ENTPD4: variants seen among roughly 807,000 people sequenced by gnomAD.
ENTPD4 encodes Golgi UDPase.
A neutral mutation model predicts 79.1 loss-of-function variants in ENTPD4; 60 were observed. That is an observed-to-expected ratio of 0.76 (90% confidence interval 0.62 to 0.94). The LOEUF (loss-of-function observed/expected upper bound fraction) is 0.94. Ranked by LOEUF, ENTPD4 falls within the 40% of genes least tolerant of loss-of-function variation. The pLI, the probability that ENTPD4 is intolerant of heterozygous loss-of-function variation, is 0.00. For missense variants in ENTPD4, 772 were observed against 775.1 expected (o/e 1.00, Z 0.05); for synonymous variants, 276 against 292.0 (o/e 0.95, Z 0.56).
intron 11 of ENTPD4, chr8:23,434,708 C>A: frequency 7.4e-7 from 1 of 1,358,392 alleles, no homozygotes. Context: ...TGCATGAACC[C>A]GGTCTCGGCA....
At chr8:23,443,157 T>A (rs1352339296) in intron 6 of ENTPD4, among the ~76,000 whole-genome samples, 1 of 131,950 alleles carries the variant, frequency 7.6e-6, no homozygotes, top group African/African-American at 3.4e-5. Flanking sequence ...TTCTCCATCA[T>A]GGCCCTAGCT....
rs1310775548 is a variant in ENTPD4 at position 23,430,252 on chromosome 8, C to G, written c.*2674G>C. ...ACATCTCCATACGGCATAATGAACT[C>G]CCTTGAGTGGTCTCTTTTTAAACAA... On this transcript the variant is annotated 3_prime_UTR_variant, in exon 13 of 13. Transcript: ENST00000358689. 1 of 985,310 alleles carries G rather than the reference C, an allele frequency of 1.0e-6. No homozygotes were observed. The highest frequency in any genetic ancestry group is 1.2e-6 in the Non-Finnish European group (1 of 829,948). 61.0% of individuals were successfully genotyped at this position (985,310 alleles called of 1,614,324 possible).
chr8:23,454,165 C>T (rs1473139921), intron 1 of ENTPD4, among the ~76,000 whole-genome samples: 3 of 152,154 alleles, frequency 2.0e-5, no homozygotes, highest in South Asian at 2.1e-4. Flanking sequence ...TTTTAACAAG[C>T]TACCTTTGAC....
In ENTPD4 at chr8:23,444,597, T is replaced by G. The variant is rs1466281227; in HGVS notation, c.422A>C (p.Glu141Ala). 25 of 1,613,924 alleles carry G rather than the reference T, an allele frequency of 1.5e-5. No individual in the cohort carries two copies. The highest frequency in any genetic ancestry group is 1.9e-5 in the Non-Finnish European group (23 of 1,179,904). The change falls in exon 5 of 13, where the codon GAA becomes GCA. Residue 141 changes from glutamate (E) to alanine (A), a missense_variant. By Grantham distance (107) the Glu-to-Ala change is moderately radical (BLOSUM62 -1). Transcript: ENST00000358689. ...GACTTTCTCTGGAGAGGTAGCAAATTCTGAAATGCCTAGAGAAACAGGATA... is the reference window on the plus strand; with the variant it reads ...GACTTTCTCTGGAGAGGTAGCAAATGCTGAAATGCCTAGAGAAACAGGATA... ...VVMKIKPGIS[E>A]FATSPEKVSD... is the part of the protein sequence containing the mutation.
Position 23,429,614 on chromosome 8 carries a change from T to C in ENTPD4, c.*3312A>G. 1.0e-6 allele frequency: 1 copy of C among 985,422 alleles called. No individual in the cohort carries two copies. Among genetic ancestry groups the C allele is most frequent in the Non-Finnish European group, 1.2e-6 (1 of 829,900 alleles). 61.0% of individuals were successfully genotyped at this position (985,422 alleles called of 1,614,324 possible). On this transcript the variant is annotated 3_prime_UTR_variant, in exon 13 of 13. Transcript: ENST00000358689. ...GCTCCTTATAAGGAAAACTACTCTGTGTAGGCCTGAGTTTAAAATGTAAAT... is the reference window on the plus strand; with the variant it reads ...GCTCCTTATAAGGAAAACTACTCTGCGTAGGCCTGAGTTTAAAATGTAAAT...
intron 11 of ENTPD4, 190 bp from the exon 12 acceptor site, chr8:23,434,668 A>G (rs1382065322): frequency 6.3e-6 from 9 of 1,423,856 alleles, no homozygotes; most frequent in South Asian, 1.5e-5. Context: ...GTCCCACAAC[A>G]TGGAGCAGTT....
Position 23,430,594 on chromosome 8 carries a change from T to C in ENTPD4, c.*2332A>G, listed in dbSNP as rs1014448616. 8 of 985,146 alleles carry C rather than the reference T, an allele frequency of 8.1e-6. No homozygotes were observed. Among genetic ancestry groups the C allele is most frequent in the Non-Finnish European group, 9.6e-6 (8 of 829,658 alleles). The allele number at this position is 985,146 out of a possible 1,614,324, so 61.0% of individuals were successfully genotyped here. On this transcript the variant is annotated 3_prime_UTR_variant, in exon 13 of 13. Transcript: ENST00000358689. ...CTGCATATTCTTCAACGTTTTTTCTTAGGCAACTGTTTAAAAATGGCAAAT... is the reference window on the plus strand; with the variant it reads ...CTGCATATTCTTCAACGTTTTTTCTCAGGCAACTGTTTAAAAATGGCAAAT...
At chr8:23,440,063 T>C in intron 8 of ENTPD4, 148 bp from the exon 9 acceptor site, 1 of 596,328 alleles carries the variant, frequency 1.7e-6, no homozygotes, top group Non-Finnish European at 2.9e-6. Flanking sequence ...CACTCATAAT[T>C]CAATATGACA....
intron 6 of ENTPD4, 77 bp downstream of exon 6, chr8:23,443,773 A>G: frequency 2.5e-6 from 2 of 807,204 alleles, no homozygotes; most frequent in Non-Finnish European, 4.3e-6. Context: ...GAGTATAACA[A>G]AGGGTACATT....
At position 23,430,322 on chromosome 8, in the gene ENTPD4, T is replaced by C. The variant is rs1328779791; in HGVS notation, c.*2604A>G. On this transcript the variant is annotated 3_prime_UTR_variant, in exon 13 of 13. Coordinates refer to ENST00000358689, the MANE Select transcript of ENTPD4 (RefSeq NM_004901.5). ...TTCTTGGTTTGTTTCAAAACTCATC[T>C]TGAAAATAATCTAGACGGAAAAATC... is the stretch of plus-strand genomic sequence containing the variant. The C allele has an allele frequency of 2.8e-5, 28 of 985,362 alleles. No homozygotes were observed. Among genetic ancestry groups the C allele is most frequent in the Non-Finnish European group, 3.4e-5 (28 of 829,954 alleles). 61.0% of individuals were successfully genotyped at this position (985,362 alleles called of 1,614,324 possible). A position where few individuals can be genotyped will look rare whatever the true frequency, so the allele number is the denominator to read the frequency against.
At chr8:23,442,700 A>G (rs186514844) in intron 6 of ENTPD4, among the ~76,000 whole-genome samples, 1 of 152,114 alleles carries the variant, frequency 6.6e-6, no homozygotes, top group East Asian at 1.9e-4. Flanking sequence ...AAAAAATTCA[A>G]GGTATCTTCT....
At chr8:23,451,633 GCTCTGACCTCAT>G (rs1488122982) in intron 1 of ENTPD4, among the ~76,000 whole-genome samples, 1 of 152,124 alleles carries the variant, frequency 6.6e-6, no homozygotes, top group African/African-American at 2.4e-5. Flanking sequence ...ACCTGTTAAG[GCTCTGACCTCAT>G]CGTCTGCTCT....
chr8:23,431,917 G>A lies in ENTPD4; in HGVS notation c.*1009C>T, dbSNP rs1371169391. The A allele has an allele frequency of 8.1e-6, 8 of 985,222 alleles. No individual in the cohort carries two copies. Among genetic ancestry groups the A allele is most frequent in the African/African-American group, 3.5e-5 (2 of 57,218 alleles). 61.0% of individuals were successfully genotyped at this position (985,222 alleles called of 1,614,324 possible). ...GCGGTCAGGAAAAGATAACAGTAAC[G>A]AGGATTTTTCTAAATAAAATGTACC... On this transcript the variant is annotated 3_prime_UTR_variant, in exon 13 of 13. Transcript: ENST00000358689.
chr8:23,452,962 T>C (rs1277493239), intron 1 of ENTPD4, among the ~76,000 whole-genome samples: 3 of 152,226 alleles, frequency 2.0e-5, no homozygotes, highest in African/African-American at 7.2e-5. Flanking sequence ...GGACAGCCTC[T>C]TATTCTTCTG....
At chr8:23,443,344 T>C (rs1236777433) in intron 6 of ENTPD4, among the ~76,000 whole-genome samples, 1 of 152,184 alleles carries the variant, frequency 6.6e-6, no homozygotes, top group African/African-American at 2.4e-5. Flanking sequence ...CTCTTTCACA[T>C]AGGAAGTATT....
intron 3 of ENTPD4, among the ~76,000 whole-genome samples, chr8:23,448,192 A>G (rs1205554442): frequency 2.6e-5 from 4 of 152,264 alleles, no homozygotes; most frequent in Non-Finnish European, 5.9e-5. Context: ...ACGCTTATGT[A>G]TAAATAATTA....
intron 1 of ENTPD4, among the ~76,000 whole-genome samples, chr8:23,450,908 T>G (rs897825813): frequency 1.3e-5 from 2 of 152,188 alleles, no homozygotes; most frequent in African/African-American, 4.8e-5. Flanking sequence ...TCTCCTAATC[T>G]GCTCTGCCCC....
chr8:23,455,605 T>C (rs192330278), intron 1 of ENTPD4, among the ~76,000 whole-genome samples: 43 of 152,362 alleles, frequency 2.8e-4, no homozygotes, highest in Non-Finnish European at 5.4e-4. Flanking sequence ...ATATAAAATC[T>C]TAACCTCTTC....
chr8:23,440,775 G>A (rs1158017420), intron 8 of ENTPD4, among the ~76,000 whole-genome samples: 1 of 152,142 alleles, frequency 6.6e-6, no homozygotes, highest in Non-Finnish European at 1.5e-5. Flanking sequence ...CCATGTTGTA[G>A]GTACTTTTGT....
Sources: gnomAD v4.1 joint callset for allele counts (sites outside exome capture counted in the v4.1 genomes callset) on GRCh38, gnomAD v4.1.1 for gene constraint, MANE v1.5 for transcripts, NCBI Gene and HGNC (gene_info 2026-07-23, HGNC 2026-07-21) for gene names.